Variants in TP53BP1 observed in about 807,000 individuals in gnomAD.
TP53BP1 encodes the protein tumor protein p53 binding protein 1, also known as TP53-binding protein 1.
In TP53BP1, 61 loss-of-function variants were observed where a neutral mutation model predicts 200.8. The observed-to-expected ratio is 0.30, with a 90% CI of 0.25 to 0.38. The LOEUF is 0.38. TP53BP1 is among the 10% of genes least tolerant of loss of function. The pLI is 1.00. For missense variants in TP53BP1, 2,144 were observed against 2,371.9 expected (o/e 0.90, Z 2.00); for synonymous variants, 822 against 844.3 (o/e 0.97, Z 0.46).
chr15:43,495,448 G>A (rs1041490191), upstream of TP53BP1, among the ~76,000 whole-genome samples: 16 of 151,086 alleles, frequency 1.1e-4, no homozygotes, highest in African/African-American at 3.7e-4. Flanking sequence ...ACAGTGAGCC[G>A]AGATCGTGCC....
chr15:43,503,998 G>A (rs1004895255), intron 1 of TP53BP1, among the ~76,000 whole-genome samples: 3 of 152,032 alleles, frequency 2.0e-5, no homozygotes, highest in Non-Finnish European at 2.9e-5. Flanking sequence ...TAATGCATAC[G>A]GGAGGGCCAG....
chr15:43,473,575 G>A (rs1166894851), intron 10 of TP53BP1, among the ~76,000 whole-genome samples: 1 of 152,076 alleles, frequency 6.6e-6, no homozygotes. Flanking sequence ...AGTGCCGATT[G>A]GTGTATTTAC....
At chr15:43,476,707 T>C (rs1480880730) in intron 8 of TP53BP1, among the ~76,000 whole-genome samples, 3 of 152,214 alleles carry the variant, frequency 2.0e-5, no homozygotes, top group South Asian at 2.1e-4. Context: ...TATCACAGCA[T>C]AGCAAAGGAA....
intron 11 of TP53BP1, among the ~76,000 whole-genome samples, chr15:43,460,095 AATTTT>A (rs1290751979): frequency 1.2e-4 from 18 of 152,166 alleles, no homozygotes; most frequent in African/African-American, 3.9e-4. Context: ...CACGTAAAAT[AATTTT>A]ATTTTATGTA....
At position 43,424,632 on chromosome 15, in the gene TP53BP1, A is replaced by G. The variant is rs571213368; in HGVS notation, c.3829-2506T>C. Among the ~76,000 whole-genome samples, 8 of 152,370 alleles carry G rather than the reference A, an allele frequency of 5.3e-5. No homozygotes were observed. In the East Asian group the frequency reaches 1.2e-3, roughly 22 times the overall value. On this transcript the variant is annotated intron_variant, in intron 18 of 27. Coordinates refer to ENST00000382044, the MANE Select transcript of TP53BP1 (RefSeq NM_001141980.3). Reference sequence around the variant, plus strand: ...GCTTCCCAAACTATCTTCCATAGGGAAAAAACAGGTATTACTTTAAAAAAT... The same window carrying G: ...GCTTCCCAAACTATCTTCCATAGGGGAAAAACAGGTATTACTTTAAAAAAT...
At chr15:43,431,941 C>A (rs1423442829) in intron 17 of TP53BP1, among the ~76,000 whole-genome samples, 2 of 152,198 alleles carry the variant, frequency 1.3e-5, no homozygotes, top group Non-Finnish European at 2.9e-5. Flanking sequence ...CTCTGGCTTT[C>A]TTCTCCAGTA....
At chr15:43,423,856 G>GGAAC (rs1158472359) in intron 18 of TP53BP1, among the ~76,000 whole-genome samples, 1 of 151,366 alleles carries the variant, frequency 6.6e-6, no homozygotes, top group Non-Finnish European at 1.5e-5. Flanking sequence ...ATGCTTCTTT[G>GGAAC]GGTTCCTCTT....
At chr15:43,447,065 A>T in intron 13 of TP53BP1, 1 of 466,762 alleles carries the variant, frequency 2.1e-6, no homozygotes. Context: ...TTCCATCCTT[A>T]TAAAACATCT....
chr15:43,484,133 CTGT>C (rs2079013578), intron 4 of TP53BP1, among the ~76,000 whole-genome samples: 1 of 152,236 alleles, frequency 6.6e-6, no homozygotes, highest in Non-Finnish European at 1.5e-5. Context: ...TCTATCTTAA[CTGT>C]CATTCCATTA....
At chr15:43,505,169 T>C (rs187959030) in intron 1 of TP53BP1, among the ~76,000 whole-genome samples, 197 of 152,316 alleles carry the variant, frequency 1.3e-3, no homozygotes, top group Non-Finnish European at 2.4e-3. Flanking sequence ...TTTTGTGATA[T>C]TGTAAAGGGA....
At chr15:43,492,231 T>C in intron 2 of TP53BP1, 53 bp downstream of exon 2, 1 of 1,540,188 alleles carries the variant, frequency 6.5e-7, no homozygotes, top group Non-Finnish European at 8.8e-7. Context: ...TTGCTGGTTT[T>C]CGGTTTAAAA....
Position 43,406,463 on chromosome 15 carries a change from T to C in TP53BP1, c.*920A>G, listed in dbSNP as rs1309941891. On this transcript the variant is annotated 3_prime_UTR_variant, in exon 28 of 28. Transcript: ENST00000382044. Reference sequence around the variant, plus strand: ...TGGCCTGCTGTCTGTTTTTGTACAGTTTTACTGAAACACAGCCATGCCCAT... The same window carrying C: ...TGGCCTGCTGTCTGTTTTTGTACAGCTTTACTGAAACACAGCCATGCCCAT... 1 of 379,802 alleles carries C rather than the reference T, an allele frequency of 2.6e-6. No individual in the cohort carries two copies. Among genetic ancestry groups the C allele is most frequent in the African/African-American group, 2.1e-5 (1 of 47,608 alleles). 23.5% of individuals were successfully genotyped at this position (379,802 alleles called of 1,614,324 possible). A position where few individuals can be genotyped will look rare whatever the true frequency, so the allele number is the denominator to read the frequency against.
chr15:43,473,486 G>A (rs2046777287), intron 10 of TP53BP1, among the ~76,000 whole-genome samples: 1 of 152,100 alleles, frequency 6.6e-6, no homozygotes, highest in Admixed American at 6.5e-5. Context: ...GATACAGAGT[G>A]TCCATTGGTA....
rs760761704 is a variant in TP53BP1 at position 43,415,643 on chromosome 15, C to G, written c.5040G>C (p.Glu1680Asp). The change falls in exon 23 of 28, where the codon GAG (glutamate) becomes GAC (aspartate). Residue 1680 changes from glutamate to aspartate, a missense_variant. By Grantham distance (45) the Glu-to-Asp change is conservative. Transcript: ENST00000382044. Reference protein sequence around the residue: ...SGKRKLITSEEERSPAKRGRK... With the variant: ...SGKRKLITSEDERSPAKRGRK... ...GACCTCGCTTGGCAGGGGACCGTTC[C>G]TCTTCAGAAGTGATAAGTTTTCTTT... The G allele has an allele frequency of 5.0e-6, 8 of 1,614,076 alleles. No individual in the cohort carries two copies. The South Asian group carries it at 7.7e-5, about 16-fold the overall frequency.
At chr15:43,427,957 CAAAAAAAAAAA>C in intron 18 of TP53BP1, 48 bp downstream of exon 18, 1 of 1,000,436 alleles carries the variant, frequency 1.0e-6, no homozygotes, top group Non-Finnish European at 1.4e-6. Flanking sequence ...ACCCTGTCTC[CAAAAAAAAAAA>C]AAAAAGAAAG....
At chr15:43,412,175 T>C (rs900404324) in intron 24 of TP53BP1, among the ~76,000 whole-genome samples, 3 of 151,988 alleles carry the variant, frequency 2.0e-5, no homozygotes, top group Non-Finnish European at 4.4e-5. Context: ...ATCCCTTCCA[T>C]GTCCTTGTAC....
At chr15:43,495,437 TAC>T (rs1169570003), upstream of TP53BP1, among the ~76,000 whole-genome samples, 1 of 149,046 alleles carries the variant, frequency 6.7e-6, no homozygotes, top group Non-Finnish European at 1.5e-5. Context: ...AGGCGTAGGT[TAC>T]AGTGAGCCGA....
Position 43,432,487 on chromosome 15 carries a change from C to G in TP53BP1, c.3382G>C (p.Asp1128His). 6.2e-7 allele frequency: 1 copy of G among 1,614,212 alleles called. No homozygotes were observed. The highest frequency in any genetic ancestry group is 8.5e-7 in the Non-Finnish European group (1 of 1,180,038). ...SSPQGEAMVTDVLEDQKEGRS... is the reference protein window; with the variant it reads ...SSPQGEAMVTHVLEDQKEGRS... ...CCTTCTTTCTGGTCTTCTAGCACAT[C>G]TGTCACCATTGCCTCTCCTTGAGGA... The change falls in exon 17 of 28, where the codon GAT becomes CAT. Residue 1128 changes from aspartate to histidine, a missense_variant. Coordinates refer to ENST00000382044, the MANE Select transcript of TP53BP1 (RefSeq NM_001141980.3).
Position 43,435,995 on chromosome 15 carries a change from CT to C in TP53BP1, c.3191+2328del, listed in dbSNP as rs916131658. On this transcript the variant is annotated intron_variant, in intron 16 of 27. Transcript: ENST00000382044. ...ACAGGTGTGAGCCACCCCATCCAGTCTTTTTTTTTTTCTTTAGACAGAGTCT... is the reference window on the plus strand; with the variant it reads ...ACAGGTGTGAGCCACCCCATCCAGTCTTTTTTTTTTCTTTAGACAGAGTCT... Among the ~76,000 whole-genome samples the C allele has an allele frequency of 1.8e-3, 264 of 146,626 alleles. 2 individuals carry two copies. The highest frequency in any genetic ancestry group is 6.2e-3 in the East Asian group (31 of 5,018).
Sources: allele counts gnomAD v4.1 joint callset (sites outside exome capture counted in the v4.1 genomes callset), GRCh38; gene constraint gnomAD v4.1.1; transcripts MANE v1.5; gene names NCBI Gene and HGNC (gene_info 2026-07-23, HGNC 2026-07-21).